Variants in PCGF3 observed in about 807,000 individuals in gnomAD.
The protein encoded by PCGF3 is polycomb group ring finger 3.
Under a neutral mutation model 33.1 loss-of-function variants are expected in PCGF3, and 7 were observed. The ratio of observed to expected loss-of-function variants is 0.21; its 90% CI spans 0.12 to 0.40. PCGF3 has a LOEUF of 0.40. Ranked by LOEUF, PCGF3 falls within the 10% of genes least tolerant of loss-of-function variation. The probability of loss-of-function intolerance (pLI) is 1.00; values close to 1 mark genes in which losing one functional copy is unlikely to be tolerated. For missense variants in PCGF3, 211 were observed against 313.3 expected, an observed-to-expected ratio of 0.67 and a Z score of 2.46; for synonymous variants, 153 against 121.3, an observed-to-expected ratio of 1.26 and a Z score of -1.72.
intron 6 of PCGF3, among the ~76,000 whole-genome samples, chr4:740,174 C>T (rs1289704487): frequency 6.6e-6 from 1 of 152,210 alleles, no homozygotes; most frequent in Non-Finnish European, 1.5e-5. Flanking sequence ...AGTGGTGAGG[C>T]GAGGTGTCAG....
In PCGF3 at chr4:732,200, C is replaced by T. The variant is rs180985855; in HGVS notation, c.-10+1090C>T. Among the ~76,000 whole-genome samples the T allele has an allele frequency of 3.1e-3, 462 of 147,132 alleles. 24 individuals are homozygous for T. The highest frequency in any genetic ancestry group is 6.7e-3 in the Admixed American group (100 of 14,852). ...AGGTTGGTAAGGCGGGGCTCCCCTC[C>T]CCTCGTGGGTGGGCGTGGTCCTTAG... is the stretch of plus-strand genomic sequence containing the variant. On this transcript the variant is annotated intron_variant, in intron 3 of 10. Transcript: ENST00000362003.
At chr4:723,155 G>A (rs147479350) in intron 1 of PCGF3, among the ~76,000 whole-genome samples, 2,210 of 152,170 alleles carry the variant, frequency 0.015, 63 homozygotes, top group African/African-American at 0.049. Context: ...CGCCGTCCGC[G>A]CCGGGTCCAC....
At chr4:734,076 T>A (rs1228880234) in intron 4 of PCGF3, 1 of 1,550,718 alleles carries the variant, frequency 6.4e-7, no homozygotes, top group East Asian at 2.4e-5. Context: ...GCTGTGACAG[T>A]GCTCACTGCT....
chr4:744,454 G>A, intron 7 of PCGF3, 146 bp from the exon 8 acceptor site: 2 of 644,470 alleles, frequency 3.1e-6, no homozygotes, highest in Admixed American at 2.7e-5. Flanking sequence ...TTTGCGGACG[G>A]CTTTCCTTTG....
At chr4:763,368 A>G (rs1371674464) in intron 9 of PCGF3, among the ~76,000 whole-genome samples, 1 of 152,066 alleles carries the variant, frequency 6.6e-6, no homozygotes, top group East Asian at 1.9e-4. Context: ...TGGTTCCTCC[A>G]GGGAAGAGTG....
At chr4:719,453 G>C (rs896391007) in intron 1 of PCGF3, among the ~76,000 whole-genome samples, 11 of 152,262 alleles carry the variant, frequency 7.2e-5, no homozygotes, top group African/African-American at 2.7e-4. Flanking sequence ...CAGGAACATG[G>C]TGGTGCCGGA....
Position 755,176 on chromosome 4 carries a change from G to A in PCGF3, c.463-6103G>A, listed in dbSNP as rs114561473. Among the ~76,000 whole-genome samples the A allele has an allele frequency of 2.9e-3, 442 of 152,336 alleles. 2 individuals carry two copies. The highest frequency in any genetic ancestry group is 9.9e-3 in the African/African-American group (413 of 41,570). On this transcript the variant is annotated intron_variant, in intron 8 of 10. Transcript: ENST00000362003. ...TTGTGTGCGTGGCACGTGTTGTTAC[G>A]CTGTGACTTTTTTACACTTAATTTC...
chr4:724,942 C>T (rs946188336), intron 1 of PCGF3, among the ~76,000 whole-genome samples: 1 of 150,726 alleles, frequency 6.6e-6, no homozygotes, highest in Non-Finnish European at 1.5e-5. Context: ...AGCCTGGTGA[C>T]AGAGCAAGAC....
At chr4:752,948 T>C (rs1351424949) in intron 8 of PCGF3, among the ~76,000 whole-genome samples, 1 of 152,234 alleles carries the variant, frequency 6.6e-6, no homozygotes, top group Non-Finnish European at 1.5e-5. Flanking sequence ...CTGATGAAAC[T>C]CTTCTCTCAC....
intron 4 of PCGF3, 56 bp from the exon 5 acceptor site, chr4:734,875 G>T: frequency 6.3e-7 from 1 of 1,584,264 alleles, no homozygotes; most frequent in Non-Finnish European, 8.6e-7. Flanking sequence ...GCACGCCGAT[G>T]GGGTGGGCGC....
At chr4:761,709 T>A in intron 9 of PCGF3, 1 of 985,354 alleles carries the variant, frequency 1.0e-6, no homozygotes, top group Non-Finnish European at 1.2e-6. Context: ...AACGAGAAAT[T>A]CTGTGCTTTA....
exon 11 of PCGF3, chr4:769,181 A>T (rs780277073): frequency 6.5e-6 from 1 of 152,696 alleles, no homozygotes; most frequent in Admixed American, 6.5e-5. Flanking sequence ...GGGCAGGGCC[A>T]TGTGGCCTCA....
At chr4:749,476 C>CTTT (rs71640348) in intron 8 of PCGF3, among the ~76,000 whole-genome samples, 3,076 of 75,354 alleles carry the variant, frequency 0.041, 195 homozygotes, top group Non-Finnish European at 0.053. Flanking sequence ...ATTTTCTTTC[C>CTTT]TTTTTTTTTT....
chr4:742,152 CCT>C (rs763438907), intron 6 of PCGF3, among the ~76,000 whole-genome samples: 1 of 150,392 alleles, frequency 6.6e-6, no homozygotes, highest in Non-Finnish European at 1.5e-5. Flanking sequence ...GGGGTCCCCT[CCT>C]CTCTCTCTCC....
intron 1 of PCGF3, among the ~76,000 whole-genome samples, chr4:711,968 TA>T (rs33940915): frequency 0.99 from 147,952 of 149,126 alleles, 73,403 homozygotes; most frequent in East Asian, 1. Flanking sequence ...AAATAAAAAG[TA>T]AAAAAAAAAA....
At chr4:758,165 CAAAAAAAA>C (rs61081270) in intron 8 of PCGF3, among the ~76,000 whole-genome samples, 12 of 54,910 alleles carry the variant, frequency 2.2e-4, no homozygotes, top group South Asian at 7.6e-4. Context: ...GACTCTGTCT[CAAAAAAAA>C]AAAAAAAAAA....
intron 9 of PCGF3, chr4:762,001 C>T (rs1434599141): frequency 5.1e-6 from 5 of 985,318 alleles, no homozygotes; most frequent in Admixed American, 6.1e-5. Context: ...CAGAAATGGA[C>T]GCAGGAGAGG....
chr4:757,663 C>T (rs1272604230), intron 8 of PCGF3: 3 of 152,154 alleles, frequency 2.0e-5, no homozygotes, highest in Admixed American at 2.0e-4. Context: ...ACACATTCCA[C>T]GATTTTCCAT....
At chr4:739,614 C>T (rs2152583830) in intron 6 of PCGF3, among the ~76,000 whole-genome samples, 1 of 152,348 alleles carries the variant, frequency 6.6e-6, no homozygotes, top group Non-Finnish European at 1.5e-5. Flanking sequence ...GGGTGCGTTC[C>T]ACCCGTGTTT....
Sources: gnomAD v4.1 joint callset for allele counts (sites outside exome capture counted in the v4.1 genomes callset) on GRCh38, gnomAD v4.1.1 for gene constraint, MANE v1.5 for transcripts, NCBI Gene and HGNC (gene_info 2026-07-23, HGNC 2026-07-21) for gene names.